The following PLLP variants were observed in gnomAD, a reference collection of about 807,000 sequenced individuals.
PLLP encodes plasmolipin, also known as plasma membrane proteolipid (plasmolipin).
PLLP carries 15 observed loss-of-function variants against 19.7 expected under a neutral mutation model. The ratio of observed to expected loss-of-function variants is 0.76; its 90% CI spans 0.51 to 1.17. The LOEUF (loss-of-function observed/expected upper bound fraction) is 1.17, where lower values mean the gene tolerates loss of function less well. PLLP is among the 50% of genes most tolerant of loss of function. PLLP has a pLI of 0.00. For synonymous variants in PLLP, 111 were observed against 116.3 expected, an observed-to-expected ratio of 0.95 and a Z score of 0.29; for missense variants, 255 against 258.3, an observed-to-expected ratio of 0.99 and a Z score of 0.09.
intron 1 of PLLP, among the ~76,000 whole-genome samples, chr16:57,267,823 C>T (rs1171393465): frequency 2.8e-5 from 4 of 141,112 alleles, no homozygotes; most frequent in East Asian, 2.1e-4. Context: ...TGCAGTGAGC[C>T]GAGATCGCAC....
intron 1 of PLLP, among the ~76,000 whole-genome samples, chr16:57,262,969 C>T (rs548138096): frequency 2.4e-4 from 36 of 152,230 alleles, no homozygotes; most frequent in African/African-American, 8.7e-4. Flanking sequence ...CTGCGAGCTC[C>T]ACGAGGGCAC....
At chr16:57,257,124 C>G (rs1216848254) in intron 3 of PLLP, 95 bp from the exon 4 acceptor site, 1 of 839,718 alleles carries the variant, frequency 1.2e-6, no homozygotes, top group Middle Eastern at 2.3e-4. Flanking sequence ...GTTGTGGCAG[C>G]CGCACCATCT....
intron 3 of PLLP, among the ~76,000 whole-genome samples, chr16:57,257,834 G>A (rs1479004258): frequency 6.6e-6 from 1 of 152,150 alleles, no homozygotes; most frequent in Non-Finnish European, 1.5e-5. Flanking sequence ...TTCTCCAAGG[G>A]GGCACGTGAC....
chr16:57,273,984 T>C (rs1361565109), intron 1 of PLLP, among the ~76,000 whole-genome samples: 1 of 152,030 alleles, frequency 6.6e-6, no homozygotes, highest in Non-Finnish European at 1.5e-5. Flanking sequence ...TCCACGAACG[T>C]GTACTATTTT....
At position 57,259,999 on chromosome 16, in the gene PLLP, G is replaced by C. The variant is rs148306412; in HGVS notation, c.310-1415C>G. ...CTAAAAAAAAAAAAAAAAAAACTTAGGATATCAAAAGATTTCGCTCCAAAG... is the reference window on the plus strand; with the variant it reads ...CTAAAAAAAAAAAAAAAAAAACTTACGATATCAAAAGATTTCGCTCCAAAG... On this transcript the variant is annotated intron_variant, in intron 2 of 3. Transcript: ENST00000219207. Among the ~76,000 whole-genome samples the C allele has an allele frequency of 2.4e-3, 358 of 151,394 alleles. 2 individuals carry two copies. The highest frequency in any genetic ancestry group is 0.015 in the South Asian group (71 of 4,788).
rs1473036980 is a variant in PLLP at position 57,257,048 on chromosome 16, G to A, written c.433-19C>T. On this transcript the variant is annotated intron_variant, in intron 3 of 3. Transcript: ENST00000219207. Reference sequence around the variant, plus strand: ...CAAAGAACTGAAAGAGAGGTGAGAAGGGCTTAAGGACCGAGAGGGTGACAG... The same window carrying A: ...CAAAGAACTGAAAGAGAGGTGAGAAAGGCTTAAGGACCGAGAGGGTGACAG... 4.5e-6 allele frequency: 7 copies of A among 1,558,998 alleles called. No homozygotes were observed. The highest frequency in any genetic ancestry group is 1.4e-5 in the African/African-American group (1 of 74,042).
chr16:57,259,820 T>A (rs2075436515), intron 2 of PLLP, among the ~76,000 whole-genome samples: 1 of 151,398 alleles, frequency 6.6e-6, no homozygotes, highest in Non-Finnish European at 1.5e-5. Flanking sequence ...CCAATAAAAA[T>A]ACAAAAATTA....
chr16:57,272,993 C>T (rs1901095611), intron 1 of PLLP, among the ~76,000 whole-genome samples: 1 of 151,628 alleles, frequency 6.6e-6, no homozygotes, highest in Admixed American at 6.6e-5. Context: ...GGCGCGGTGG[C>T]TCACACCTAT....
At chr16:57,267,756 G>C (rs1597961606) in intron 1 of PLLP, among the ~76,000 whole-genome samples, 1 of 150,888 alleles carries the variant, frequency 6.6e-6, no homozygotes, top group Non-Finnish European at 1.5e-5. Flanking sequence ...GCATGTGCCT[G>C]TAATCCCAGC....
intron 2 of PLLP, among the ~76,000 whole-genome samples, chr16:57,260,955 A>G (rs2075439979): frequency 6.6e-6 from 1 of 152,032 alleles, no homozygotes; most frequent in South Asian, 2.1e-4. Flanking sequence ...TCACAAACTC[A>G]CACAACACAG....
chr16:57,265,812 G>A (rs1215279913), intron 1 of PLLP, among the ~76,000 whole-genome samples: 1 of 152,180 alleles, frequency 6.6e-6, no homozygotes, highest in Non-Finnish European at 1.5e-5. Flanking sequence ...TGGATCACTT[G>A]AGCTCAGGAG....
chr16:57,262,978 A>G (rs942766436), intron 1 of PLLP, among the ~76,000 whole-genome samples: 3 of 152,146 alleles, frequency 2.0e-5, no homozygotes, highest in Non-Finnish European at 4.4e-5. Context: ...CCACGAGGGC[A>G]CAGCCGTGGC....
chr16:57,258,960 G>A (rs185853335), intron 2 of PLLP, among the ~76,000 whole-genome samples: 9 of 149,806 alleles, frequency 6.0e-5, no homozygotes, highest in South Asian at 4.2e-4. Flanking sequence ...CAAGACCAAC[G>A]GTTGGGGCTT....
rs1332938326 is a variant in PLLP, at chr16:57,258,600, G to A, written c.310-16C>T. The A allele has an allele frequency of 6.2e-7, 1 of 1,611,734 alleles. No individual in the cohort carries two copies. Among genetic ancestry groups the A allele is most frequent in the South Asian group, 1.1e-5 (1 of 91,038 alleles). ...AGATCATTAACTGCAGGACATGGGGGTAGGGAGTGGGGAGAGAAAAGGCTT... is the reference window on the plus strand; with the variant it reads ...AGATCATTAACTGCAGGACATGGGGATAGGGAGTGGGGAGAGAAAAGGCTT... On this transcript the variant is annotated splice_polypyrimidine_tract_variant and intron_variant, in intron 2 of 3. Coordinates refer to ENST00000219207, the MANE Select transcript of PLLP (RefSeq NM_015993.3).
At chr16:57,270,121 G>A (rs1014175028) in intron 1 of PLLP, among the ~76,000 whole-genome samples, 3 of 152,110 alleles carry the variant, frequency 2.0e-5, no homozygotes, top group Admixed American at 1.3e-4. Context: ...TAGAAACAAC[G>A]TAACGGCCAA....
At position 57,284,504 on chromosome 16, in the gene PLLP, T is replaced by C; in HGVS notation, c.37A>G (p.Ser13Gly). 1.4e-6 allele frequency: 2 copies of C among 1,409,118 alleles called. No homozygotes were observed. Among genetic ancestry groups the C allele is most frequent in the Non-Finnish European group, 1.9e-6 (2 of 1,071,006 alleles). 87.3% of individuals were successfully genotyped at this position (1,409,118 alleles called of 1,614,324 possible). The part of the protein sequence containing the change: ...EFPSKVSTRT[S>G]SPAQGAEASV... Reference sequence around the variant, plus strand: ...GCTTCGGCGCCCTGCGCAGGACTGCTGGTCCGCGTGCTAACTTTCGACGGG... The same window carrying C: ...GCTTCGGCGCCCTGCGCAGGACTGCCGGTCCGCGTGCTAACTTTCGACGGG... Residue 13 changes from serine to glycine, a missense_variant, in exon 1 of 4, where the codon AGC becomes GGC. Ser to Gly is a moderately conservative substitution (Grantham distance 56). Transcript: ENST00000219207.
At chr16:57,262,804 C>A (rs1289553293) in intron 1 of PLLP, among the ~76,000 whole-genome samples, 1 of 152,114 alleles carries the variant, frequency 6.6e-6, no homozygotes, top group Non-Finnish European at 1.5e-5. Context: ...CGGGGCCCTG[C>A]CCTGCACTCT....
chr16:57,258,920 CAAAAAAAA>C (rs59321788), intron 2 of PLLP, among the ~76,000 whole-genome samples: 12 of 40,272 alleles, frequency 3.0e-4, no homozygotes, highest in African/African-American at 5.0e-4. Flanking sequence ...GATCCTGTCT[CAAAAAAAA>C]AAAAAAAAAA....
chr16:57,268,358 C>G (rs1043686027), intron 1 of PLLP, among the ~76,000 whole-genome samples: 4 of 152,196 alleles, frequency 2.6e-5, no homozygotes, highest in African/African-American at 7.2e-5. Flanking sequence ...GGTGGCCTAT[C>G]GACTCCTTGA....
Sources: allele counts gnomAD v4.1 joint callset (sites outside exome capture counted in the v4.1 genomes callset), GRCh38; gene constraint gnomAD v4.1.1; transcripts MANE v1.5; gene names NCBI Gene and HGNC (gene_info 2026-07-23, HGNC 2026-07-21).